The following PPEF1 variants were observed in gnomAD, a reference collection of about 807,000 sequenced individuals.
PPEF1 encodes the protein serine/threonine-protein phosphatase with EF-hands 1.
PPEF1 carries 12 observed loss-of-function variants against 53.3 expected under a neutral mutation model. The observed-to-expected ratio is 0.23, with a 90% CI of 0.14 to 0.36. The LOEUF is 0.36. Among genes scored for constraint, PPEF1 ranks in the 10% least tolerant of loss-of-function variants. PPEF1 has a pLI of 1.00. For synonymous variants in PPEF1, 165 were observed against 176.7 expected, an observed-to-expected ratio of 0.93 and a Z score of 0.52; for missense variants, 334 against 490.4, an observed-to-expected ratio of 0.68 and a Z score of 3.01.
At chrX:18,743,447 T>A (rs1602405167) in intron 3 of PPEF1, among the ~76,000 whole-genome samples, 1 of 29,763 alleles carries the variant, frequency 3.4e-5, no homozygotes, top group East Asian at 4.9e-4. Context: ...TCTCTTTTTC[T>A]TTTTTTTTTT....
intron 5 of PPEF1, among the ~76,000 whole-genome samples, chrX:18,760,170 A>G (rs1426555776): frequency 9.0e-6 from 1 of 110,896 alleles, no homozygotes; most frequent in Non-Finnish European, 1.9e-5. Context: ...TATTTTTAGT[A>G]GAGACAGGGT....
intron 1 of PPEF1, among the ~76,000 whole-genome samples, chrX:18,715,267 C>A (rs762981114): frequency 2.1e-4 from 23 of 111,106 alleles, no homozygotes; most frequent in Non-Finnish European, 4.0e-4. Context: ...CACAGTGGCT[C>A]ACACCTGTAA....
chrX:18,745,655 A>G (rs1209077301), intron 3 of PPEF1, among the ~76,000 whole-genome samples: 1 of 111,745 alleles, frequency 8.9e-6, no homozygotes, highest in Non-Finnish European at 1.9e-5. Flanking sequence ...GTTAGAATGA[A>G]ACAGTGAAAG....
At chrX:18,707,182 G>T (rs2044221366), upstream of PPEF1, among the ~76,000 whole-genome samples, 1 of 111,213 alleles carries the variant, frequency 9.0e-6, no homozygotes. Flanking sequence ...TACTGTCAAA[G>T]AACTCACTTT....
upstream of PPEF1, among the ~76,000 whole-genome samples, chrX:18,675,163 C>T (rs765500383): frequency 8.1e-4 from 92 of 113,227 alleles, no homozygotes; most frequent in African/African-American, 2.9e-3. Flanking sequence ...GTCGCGGCCC[C>T]TGGGACCAGG....
chrX:18,794,120 A>G (rs1303792967), intron 10 of PPEF1, among the ~76,000 whole-genome samples: 1 of 112,983 alleles, frequency 8.9e-6, no homozygotes, highest in African/African-American at 3.2e-5. Flanking sequence ...AGTGCTCTAC[A>G]GTCTGATCCG....
At position 18,823,862 on chromosome X, in the gene PPEF1, G is replaced by A. The variant is rs181592211; in HGVS notation, c.1502-61G>A. ...ATGCTGCCCTGGCTCTCCCAAGGAG[G>A]TTGCATTCTTTAAAATCATATTTTA... On this transcript the variant is annotated intron_variant, in intron 13 of 15. Transcript: ENST00000470157. The A allele has an allele frequency of 1.2e-5, 14 of 1,145,614 alleles. No individual in the cohort carries two copies. In the African/African-American group the frequency reaches 2.2e-4, roughly 18 times the overall value. 94.4% of individuals were successfully genotyped at this position (1,145,614 alleles called of 1,213,427 possible). A position where few individuals can be genotyped will look rare whatever the true frequency, so the allele number is the denominator to read the frequency against.
At chrX:18,786,061 G>C (rs188265522) in intron 9 of PPEF1, among the ~76,000 whole-genome samples, 1 of 112,388 alleles carries the variant, frequency 8.9e-6, no homozygotes, top group African/African-American at 3.2e-5. Flanking sequence ...TGATGTCTTT[G>C]TCAGTCAAAT....
chrX:18,692,803 C>T (rs1176110531), intron 4 of PPEF1, among the ~76,000 whole-genome samples: 1 of 111,874 alleles, frequency 8.9e-6, no homozygotes, highest in African/African-American at 3.2e-5. Context: ...GCGGAATCCA[C>T]GCAGTCTGTA....
chrX:18,778,120 A>G (rs1284861357), intron 6 of PPEF1, among the ~76,000 whole-genome samples: 1 of 111,413 alleles, frequency 9.0e-6, no homozygotes, highest in African/African-American at 3.3e-5. Flanking sequence ...ATATATTTTT[A>G]AAACATTTGA....
intron 6 of PPEF1, among the ~76,000 whole-genome samples, chrX:18,776,907 C>T (rs1422614904): frequency 9.0e-5 from 10 of 110,855 alleles, no homozygotes; most frequent in African/African-American, 3.3e-4. Flanking sequence ...GCAACAAGAG[C>T]GAAACTCCAT....
intron 9 of PPEF1, among the ~76,000 whole-genome samples, chrX:18,788,150 T>A (rs190693330): frequency 5.5e-3 from 596 of 109,301 alleles, no homozygotes; most frequent in African/African-American, 0.011. Context: ...CCCCGTCTCT[T>A]CTAAAAAATA....
chrX:18,827,530 C>T lies in PPEF1; in HGVS notation c.*43C>T. 1 of 1,061,404 alleles carries T rather than the reference C, an allele frequency of 9.4e-7. No homozygotes were observed. Among genetic ancestry groups the T allele is most frequent in the South Asian group, 2.0e-5 (1 of 50,982 alleles). 87.5% of individuals were successfully genotyped at this position (1,061,404 alleles called of 1,213,427 possible). A position where few individuals can be genotyped will look rare whatever the true frequency, so the allele number is the denominator to read the frequency against. The stretch of plus-strand genomic sequence containing the variant: ...CCTCAGGCTCCCTGAAACAGCTAGG[C>T]CCAAATCACAAGTACAGTCCTTTCC... On this transcript the variant is annotated 3_prime_UTR_variant, in exon 16 of 16. Coordinates refer to ENST00000470157, the MANE Select transcript of PPEF1 (RefSeq NM_001377996.1).
At chrX:18,702,399 C>A (rs747942851) in intron 6 of PPEF1, among the ~76,000 whole-genome samples, 1 of 107,544 alleles carries the variant, frequency 9.3e-6, no homozygotes, top group Non-Finnish European at 1.9e-5. Flanking sequence ...CTAAAGCCAA[C>A]ATCTCTAGGA....
intron 4 of PPEF1, among the ~76,000 whole-genome samples, chrX:18,755,530 G>A (rs1402473646): frequency 2.7e-5 from 3 of 112,103 alleles, no homozygotes; most frequent in Non-Finnish European, 5.6e-5. Context: ...TCGTGCCACC[G>A]CACTCCAGCC....
intron 12 of PPEF1, among the ~76,000 whole-genome samples, chrX:18,809,300 A>G (rs1204218047): frequency 9.0e-6 from 1 of 110,559 alleles, no homozygotes; most frequent in Non-Finnish European, 1.9e-5. Flanking sequence ...TACTTATAAT[A>G]CCGAATGCAC....
intron 6 of PPEF1, among the ~76,000 whole-genome samples, chrX:18,766,761 C>T (rs2045782634): frequency 8.9e-6 from 1 of 112,343 alleles, no homozygotes; most frequent in Non-Finnish European, 1.9e-5. Context: ...AAAATTAAAA[C>T]GTTCTGGCTG....
intron 3 of PPEF1, among the ~76,000 whole-genome samples, chrX:18,688,240 T>G (rs1602339772): frequency 8.9e-6 from 1 of 112,211 alleles, no homozygotes; most frequent in East Asian, 2.8e-4. Context: ...CAGAGAAATC[T>G]TGGCTCTCTC....
chrX:18,747,319 C>T (rs1209809077), intron 3 of PPEF1, among the ~76,000 whole-genome samples: 4 of 111,399 alleles, frequency 3.6e-5, no homozygotes, highest in African/African-American at 1.3e-4. Context: ...ATGAAGTTGC[C>T]AGGCCTCTGA....
Sources: allele counts gnomAD v4.1 joint callset (sites outside exome capture counted in the v4.1 genomes callset), GRCh38; gene constraint gnomAD v4.1.1; transcripts MANE v1.5; gene names NCBI Gene and HGNC (gene_info 2026-07-23, HGNC 2026-07-21).